Variants in PLXDC2 observed in about 807,000 individuals in gnomAD.
PLXDC2 encodes plexin domain-containing protein 2.
In PLXDC2, 40 loss-of-function variants were observed where a neutral mutation model predicts 68.9. That is an observed-to-expected ratio of 0.58 (90% CI 0.45 to 0.76). PLXDC2 has a LOEUF of 0.76. Ranked by LOEUF, PLXDC2 falls within the 30% of genes least tolerant of loss-of-function variation. PLXDC2 has a pLI of 0.00. For missense variants in PLXDC2, 644 were observed against 661.9 expected (o/e 0.97, Z 0.30); for synonymous variants, 243 against 234.2 (o/e 1.04, Z -0.34).
At chr10:20,184,764 G>A (rs79955182) in intron 9 of PLXDC2, among the ~76,000 whole-genome samples, 2 of 151,656 alleles carry the variant, frequency 1.3e-5, no homozygotes, top group Admixed American at 6.6e-5. Flanking sequence ...TTTTCCTTTG[G>A]TTTTGTCTCT....
chr10:20,193,454 C>A (rs1025846824), intron 9 of PLXDC2, among the ~76,000 whole-genome samples: 3 of 151,892 alleles, frequency 2.0e-5, no homozygotes, highest in Non-Finnish European at 4.4e-5. Context: ...CAACAGACAG[C>A]AAGTGAGGGA....
intron 8 of PLXDC2, 52 bp from the exon 9 acceptor site, chr10:20,177,276 C>G (rs1400288742): frequency 6.9e-7 from 1 of 1,454,006 alleles, no homozygotes; most frequent in Non-Finnish European, 9.7e-7. Context: ...AATCTCTTTC[C>G]CCTCCAAGTT....
intron 4 of PLXDC2, among the ~76,000 whole-genome samples, chr10:20,093,565 A>G (rs1412099543): frequency 6.6e-6 from 1 of 152,198 alleles, no homozygotes; most frequent in Non-Finnish European, 1.5e-5. Flanking sequence ...TTGTTCAGTT[A>G]AGGAAATAAA....
At chr10:20,189,009 T>A (rs1269795287) in intron 9 of PLXDC2, among the ~76,000 whole-genome samples, 1 of 33,946 alleles carries the variant, frequency 2.9e-5, no homozygotes, top group Non-Finnish European at 8.7e-5. Context: ...TTATAATCAG[T>A]TTTTTTTTTC....
chr10:20,244,174 A>G (rs1564365115), intron 12 of PLXDC2, among the ~76,000 whole-genome samples: 2 of 152,240 alleles, frequency 1.3e-5, no homozygotes, highest in Non-Finnish European at 2.9e-5. Flanking sequence ...AATACCAGTC[A>G]TATGGTGCAC....
At chr10:19,913,608 A>G (rs1833314331) in intron 1 of PLXDC2, among the ~76,000 whole-genome samples, 1 of 152,122 alleles carries the variant, frequency 6.6e-6, no homozygotes, top group African/African-American at 2.4e-5. Context: ...TTAAGTCGAA[A>G]TGTAGGGTGA....
chr10:19,921,805 T>C (rs1833465573), intron 1 of PLXDC2, among the ~76,000 whole-genome samples: 1 of 152,204 alleles, frequency 6.6e-6, no homozygotes, highest in Non-Finnish European at 1.5e-5. Context: ...GCCCAGTGTA[T>C]TAGGGCCAGT....
intron 1 of PLXDC2, among the ~76,000 whole-genome samples, chr10:19,860,241 T>G (rs574928484): frequency 6.6e-6 from 1 of 152,198 alleles, no homozygotes; most frequent in Non-Finnish European, 1.5e-5. Context: ...TGAACAATTA[T>G]GTTTGTTCAC....
At chr10:19,948,091 C>A (rs1320325783) in intron 1 of PLXDC2, among the ~76,000 whole-genome samples, 2 of 152,134 alleles carry the variant, frequency 1.3e-5, no homozygotes, top group African/African-American at 4.8e-5. Flanking sequence ...TAAGGACTTC[C>A]TGTGAAATGG....
At position 20,183,861 on chromosome 10, in the gene PLXDC2, C is replaced by T. The variant is rs113047168; in HGVS notation, c.1061+6452C>T. On this transcript the variant is annotated intron_variant, in intron 9 of 13. Transcript: ENST00000377252. ...AAATTGGAGCATGGCATAAGATATT[C>T]GCAGTGAGGCATGTTGAACACTTAA... Among the ~76,000 whole-genome samples, 1,292 of 152,076 alleles carry T rather than the reference C, an allele frequency of 8.5e-3. 15 individuals carry two copies. The highest frequency in any genetic ancestry group is 0.044 in the Middle Eastern group (13 of 294).
chr10:19,853,559 C>G (rs1472365262), intron 1 of PLXDC2, among the ~76,000 whole-genome samples: 3 of 151,132 alleles, frequency 2.0e-5, no homozygotes, highest in Non-Finnish European at 2.9e-5. Flanking sequence ...CCCAGCCTCT[C>G]CTTATTCCTC....
Position 19,858,673 on chromosome 10 carries a change from G to A in PLXDC2, c.112+41482G>A, listed in dbSNP as rs16919438. Among the ~76,000 whole-genome samples the A allele has an allele frequency of 8.4e-3, 1,278 of 152,222 alleles. 22 individuals carry two copies. Among genetic ancestry groups the A allele is most frequent in the African/African-American group, 0.029 (1,218 of 41,530 alleles). Reference sequence around the variant, plus strand: ...GCAAGGTGCAGGGGAGAGTCTGGGAGAAGAAAGTAAGCAGTGTTGGGGATA... The same window carrying A: ...GCAAGGTGCAGGGGAGAGTCTGGGAAAAGAAAGTAAGCAGTGTTGGGGATA... On this transcript the variant is annotated intron_variant, in intron 1 of 13. Transcript: ENST00000377252.
chr10:20,195,058 G>A (rs1037847641), intron 9 of PLXDC2, among the ~76,000 whole-genome samples: 1 of 151,970 alleles, frequency 6.6e-6, no homozygotes, highest in Admixed American at 6.6e-5. Flanking sequence ...AATTAATGGG[G>A]TGAAGTGAAC....
At chr10:20,134,632 G>T (rs559163468) in intron 4 of PLXDC2, among the ~76,000 whole-genome samples, 1 of 152,152 alleles carries the variant, frequency 6.6e-6, no homozygotes, top group Non-Finnish European at 1.5e-5. Flanking sequence ...CTACATCTTG[G>T]GTCTATGGGA....
intron 4 of PLXDC2, among the ~76,000 whole-genome samples, chr10:20,136,993 G>A (rs1337895003): frequency 6.6e-6 from 1 of 152,188 alleles, no homozygotes. Context: ...AGAATGTAAG[G>A]AGAAATATAT....
intron 7 of PLXDC2, 79 bp downstream of exon 7, chr10:20,164,646 A>T: frequency 9.3e-7 from 1 of 1,070,852 alleles, no homozygotes; most frequent in Non-Finnish European, 1.4e-6. Flanking sequence ...TGGCAGCTGT[A>T]CCTGAATTAA....
chr10:19,956,999 C>T (rs917936874), intron 1 of PLXDC2, among the ~76,000 whole-genome samples: 1 of 152,178 alleles, frequency 6.6e-6, no homozygotes, highest in Non-Finnish European at 1.5e-5. Flanking sequence ...TCTGTGGGCA[C>T]TGGCATAATT....
At chr10:20,158,363 A>C (rs1245110489) in intron 6 of PLXDC2, among the ~76,000 whole-genome samples, 1 of 143,900 alleles carries the variant, frequency 6.9e-6, no homozygotes, top group Non-Finnish European at 1.6e-5. Context: ...AATACTTCTA[A>C]ATAGCTATAC....
At chr10:20,012,335 GGAGAAGGAGAC>G (rs2131645389) in intron 2 of PLXDC2, among the ~76,000 whole-genome samples, 5 of 27,848 alleles carry the variant, frequency 1.8e-4, no homozygotes, top group East Asian at 2.2e-3. Context: ...TTTTTTTTTT[GGAGAAGGAGAC>G]TTGCTGTGTT....
Sources: gnomAD v4.1 joint callset for allele counts (sites outside exome capture counted in the v4.1 genomes callset) on GRCh38, gnomAD v4.1.1 for gene constraint, MANE v1.5 for transcripts, NCBI Gene and HGNC (gene_info 2026-07-23, HGNC 2026-07-21) for gene names.